The following CHD9 variants were observed in gnomAD, a reference collection of about 807,000 sequenced individuals.
The protein encoded by CHD9 is ATP-dependent chromatin remodeler CHD9.
CHD9 carries 77 observed loss-of-function variants against 316.1 expected under a neutral mutation model. The observed-to-expected ratio is 0.24, with a 90% CI of 0.20 to 0.29. The LOEUF is 0.29. Ranked by LOEUF, CHD9 falls within the 10% of genes least tolerant of loss-of-function variation. The pLI, the probability that CHD9 is intolerant of heterozygous loss-of-function variation, is 1.00. For synonymous variants in CHD9, 1,129 were observed against 1,158.3 expected, an observed-to-expected ratio of 0.97 and a Z score of 0.51; for missense variants, 2,763 against 3,438.1, an observed-to-expected ratio of 0.80 and a Z score of 4.91.
chr16:53,320,760 TC>T (rs1290989026), intron 37 of CHD9, among the ~76,000 whole-genome samples: 1 of 152,164 alleles, frequency 6.6e-6, no homozygotes, highest in Non-Finnish European at 1.5e-5. Flanking sequence ...TACATTTTTT[TC>T]CAAATTATTT....
intron 30 of CHD9, among the ~76,000 whole-genome samples, chr16:53,300,403 A>G (rs994293462): frequency 4.7e-5 from 7 of 149,184 alleles, no homozygotes; most frequent in Admixed American, 1.3e-4. Context: ...CCTGCTTCCA[A>G]CTGATGGATA....
chr16:53,069,338 C>T (rs1205192245), intron 1 of CHD9, among the ~76,000 whole-genome samples: 2 of 152,206 alleles, frequency 1.3e-5, no homozygotes, highest in African/African-American at 4.8e-5. Context: ...TAAGTGCGTT[C>T]ACATTGTTGT....
At position 53,079,199 on chromosome 16, in the gene CHD9, G is replaced by A. The variant is rs139781374; in HGVS notation, c.-165+24122G>A. Among the ~76,000 whole-genome samples, 310 of 152,260 alleles carry A rather than the reference G, an allele frequency of 2.0e-3. 1 individual carries two copies. The highest frequency in any genetic ancestry group is 7.0e-3 in the African/African-American group (292 of 41,550). ...CTACTGGTCTGGTCCATCTTTGGTGGCAAAACTTCCACCATTGGCTGTTCA... is the reference window on the plus strand; with the variant it reads ...CTACTGGTCTGGTCCATCTTTGGTGACAAAACTTCCACCATTGGCTGTTCA... On this transcript the variant is annotated intron_variant, in intron 1 of 38. Transcript: ENST00000447540.
chr16:53,076,165 A>G (rs1040764084), intron 1 of CHD9, among the ~76,000 whole-genome samples: 1 of 152,024 alleles, frequency 6.6e-6, no homozygotes, highest in Non-Finnish European at 1.5e-5. Context: ...CCTCCATCAG[A>G]TATATGATTT....
chr16:53,261,775 ACT>A lies in CHD9; in HGVS notation c.4210-1211_4210-1210del, dbSNP rs953479778. 2.0e-4 allele frequency among the ~76,000 whole-genome samples: 30 copies of A among 152,036 alleles called. 1 individual carries two copies. The highest frequency in any genetic ancestry group is 7.2e-4 in the African/African-American group (30 of 41,424). ...TCATCACCACCTCCCACTTTTTCAT[ACT>A]GTTTCGAAGCAAATCCCAGATATAA... On this transcript the variant is annotated intron_variant, in intron 19 of 38. Coordinates refer to ENST00000447540, the MANE Select transcript of CHD9 (RefSeq NM_001308319.2).
At chr16:53,255,093 T>C (rs1187513246) in intron 18 of CHD9, among the ~76,000 whole-genome samples, 1 of 152,060 alleles carries the variant, frequency 6.6e-6, no homozygotes, top group African/African-American at 2.4e-5. Flanking sequence ...GGAGGATTGC[T>C]TGAGCCTAGG....
chr16:53,183,223 C>T (rs117764566), intron 2 of CHD9, among the ~76,000 whole-genome samples: 2 of 152,130 alleles, frequency 1.3e-5, no homozygotes, highest in Non-Finnish European at 2.9e-5. Flanking sequence ...TAACAAATGT[C>T]GTATTTGTTT....
chr16:53,180,683 A>G (rs534339187), intron 2 of CHD9, among the ~76,000 whole-genome samples: 2 of 150,686 alleles, frequency 1.3e-5, no homozygotes, highest in Admixed American at 6.6e-5. Context: ...TAAATTTATT[A>G]TTTTTTTTTG....
At chr16:53,319,898 A>C in intron 37 of CHD9, 1 of 1,032,866 alleles carries the variant, frequency 9.7e-7, no homozygotes, top group Non-Finnish European at 1.3e-6. Context: ...TTTCAATAGA[A>C]GCTTAATGAA....
chr16:53,215,731 T>A (rs1410553703), intron 3 of CHD9, among the ~76,000 whole-genome samples: 1 of 152,148 alleles, frequency 6.6e-6, no homozygotes, highest in East Asian at 1.9e-4. Flanking sequence ...AATGAGAGAA[T>A]CAACAGGGGG....
intron 22 of CHD9, among the ~76,000 whole-genome samples, chr16:53,271,347 TC>T (rs1268422194): frequency 1.3e-5 from 2 of 151,976 alleles, no homozygotes; most frequent in African/African-American, 4.8e-5. Context: ...GGTGGCCAGA[TC>T]ACTTGAGGTC....
intron 3 of CHD9, among the ~76,000 whole-genome samples, chr16:53,221,737 GAA>G (rs2152904157): frequency 6.6e-6 from 1 of 152,206 alleles, no homozygotes; most frequent in African/African-American, 2.4e-5. Flanking sequence ...TTATGCTTAG[GAA>G]CATACAGTAC....
intron 29 of CHD9, among the ~76,000 whole-genome samples, chr16:53,293,313 A>G (rs764666649): frequency 5.3e-5 from 8 of 152,166 alleles, no homozygotes; most frequent in Non-Finnish European, 1.2e-4. Flanking sequence ...ACACTGAGGT[A>G]TTTAAAAAAA....
chr16:53,281,575 C>A (rs1205538195), intron 24 of CHD9, among the ~76,000 whole-genome samples: 1 of 152,194 alleles, frequency 6.6e-6, no homozygotes, highest in Non-Finnish European at 1.5e-5. Context: ...TCTTGGCACT[C>A]CTTAACACCC....
At chr16:53,059,292 T>C (rs73594418) in intron 1 of CHD9, among the ~76,000 whole-genome samples, 8,901 of 152,166 alleles carry the variant, frequency 0.058, 874 homozygotes, top group African/African-American at 0.2. Flanking sequence ...AAATTTCTCA[T>C]GTCCTTTAAA....
intron 19 of CHD9, among the ~76,000 whole-genome samples, chr16:53,256,381 C>CTTTTTTTTTTTTTTTT (rs1163977563): frequency 1.1e-4 from 11 of 99,240 alleles, no homozygotes; most frequent in African/African-American, 3.7e-4. Flanking sequence ...TTTTTCTTTT[C>CTTTTTTTTTTTTTTTT]TTTTTTTTTT....
intron 1 of CHD9, among the ~76,000 whole-genome samples, chr16:53,102,914 C>T (rs1311121402): frequency 1.3e-5 from 2 of 151,970 alleles, no homozygotes; most frequent in African/African-American, 2.4e-5. Flanking sequence ...GGCGCAGTCT[C>T]GGCTCACTGC....
intron 2 of CHD9, among the ~76,000 whole-genome samples, chr16:53,205,164 A>G (rs1275913765): frequency 1.3e-5 from 2 of 152,130 alleles, no homozygotes; most frequent in Non-Finnish European, 2.9e-5. Context: ...ATACAAGCTC[A>G]TGGGGAGCAA....
chr16:53,281,837 CAGAT>C (rs1305229631), intron 24 of CHD9, among the ~76,000 whole-genome samples: 16 of 152,312 alleles, frequency 1.1e-4, no homozygotes, highest in Admixed American at 1.0e-3. Flanking sequence ...ATTTCCTTCT[CAGAT>C]AGACCTTCCC....
Sources: allele counts gnomAD v4.1 joint callset (sites outside exome capture counted in the v4.1 genomes callset), GRCh38; gene constraint gnomAD v4.1.1; transcripts MANE v1.5; gene names NCBI Gene and HGNC (gene_info 2026-07-23, HGNC 2026-07-21).